TUSC3: variants seen among roughly 807,000 people sequenced by gnomAD.
TUSC3 encodes tumor suppressor candidate 3, also known as dolichyl-diphosphooligosaccharide--protein glycosyltransferase subunit TUSC3.
In TUSC3, 45 loss-of-function variants were observed where a neutral mutation model predicts 44.8. The observed-to-expected ratio is 1.00, with a 90% CI of 0.79 to 1.29. The LOEUF (loss-of-function observed/expected upper bound fraction) is 1.29, where lower values mean the gene tolerates loss of function less well. Ranked by LOEUF, TUSC3 falls within the 50% of genes most tolerant of loss-of-function variation. TUSC3 has a pLI of 0.00. For missense variants in TUSC3, 519 were observed against 437.9 expected, an observed-to-expected ratio of 1.19 and a Z score of -1.65; for synonymous variants, 212 against 152.9, an observed-to-expected ratio of 1.39 and a Z score of -2.85.
chr8:15,779,870 T>C, the TUSC3 span, among the ~76,000 whole-genome samples: 313 of 152,358 alleles, frequency 2.1e-3, 2 homozygotes, highest in African/African-American at 7.2e-3. Context: ...AGAAACGCTA[T>C]AGTCTGTGTC....
chr8:15,834,040 T>G, the TUSC3 span, among the ~76,000 whole-genome samples: 69,319 of 151,868 alleles, frequency 0.46, 18,168 homozygotes, highest in Non-Finnish European at 0.6. Flanking sequence ...ATACTATTTA[T>G]GAGTATCACA....
At chr8:15,499,519 A>G (rs572436189) in intron 2 of TUSC3, among the ~76,000 whole-genome samples, 41 of 152,302 alleles carry the variant, frequency 2.7e-4, no homozygotes, top group Admixed American at 8.5e-4. Flanking sequence ...GTTCATGTCA[A>G]TGGACTTATA....
chr8:15,782,116 C>T, the TUSC3 span, among the ~76,000 whole-genome samples: 1 of 152,180 alleles, frequency 6.6e-6, no homozygotes, highest in East Asian at 1.9e-4. Context: ...GCCTGGGCGA[C>T]AGAGCAAGGC....
At chr8:15,732,273 G>A (rs1810753564) in intron 7 of TUSC3, among the ~76,000 whole-genome samples, 2 of 152,230 alleles carry the variant, frequency 1.3e-5, no homozygotes, top group African/African-American at 2.4e-5. Flanking sequence ...GGGATCCAGT[G>A]GGAGGTAATT....
intron 1 of TUSC3, among the ~76,000 whole-genome samples, chr8:15,594,383 T>C (rs751889681): frequency 1.3e-5 from 2 of 152,156 alleles, no homozygotes; most frequent in Non-Finnish European, 2.9e-5. Context: ...TTTTGATCGA[T>C]TGATTTTTTT....
intron 1 of TUSC3, among the ~76,000 whole-genome samples, chr8:15,542,121 A>G (rs1258981017): frequency 6.6e-6 from 1 of 151,908 alleles, no homozygotes; most frequent in Non-Finnish European, 1.5e-5. Flanking sequence ...GAGACATAAT[A>G]CATTGATCAA....
At chr8:15,769,621 C>A (rs757931269), downstream of TUSC3, among the ~76,000 whole-genome samples, 1 of 152,108 alleles carries the variant, frequency 6.6e-6, no homozygotes, top group Admixed American at 6.5e-5. Context: ...GCAAAAGAAA[C>A]TATGATTAGA....
the TUSC3 span, among the ~76,000 whole-genome samples, chr8:15,790,638 C>G: frequency 3.9e-5 from 6 of 152,236 alleles, no homozygotes; most frequent in Admixed American, 1.3e-4. Flanking sequence ...CCCTGCCAGT[C>G]TCCTACCTCA....
intron 1 of TUSC3, among the ~76,000 whole-genome samples, chr8:15,469,156 T>G (rs1292143268): frequency 1.3e-5 from 2 of 152,186 alleles, no homozygotes. Context: ...AAGAAATCAT[T>G]GATAAGCTGG....
intron 2 of TUSC3, among the ~76,000 whole-genome samples, chr8:15,649,070 CA>C (rs368911726): frequency 2.0e-5 from 3 of 152,230 alleles, no homozygotes; most frequent in Admixed American, 6.5e-5. Flanking sequence ...TTGATAAATA[CA>C]ATATCTTTTC....
chr8:15,840,425 G>T, the TUSC3 span, among the ~76,000 whole-genome samples: 1 of 152,010 alleles, frequency 6.6e-6, no homozygotes, highest in African/African-American at 2.4e-5. Flanking sequence ...AAAAACTCAG[G>T]AGCAGAAGCA....
chr8:15,446,995 A>G (rs940219725), intron 1 of TUSC3, among the ~76,000 whole-genome samples: 28 of 152,076 alleles, frequency 1.8e-4, no homozygotes, highest in Non-Finnish European at 1.5e-4. Context: ...AAAGCTTTTG[A>G]AGAATAATCA....
chr8:15,520,526 A>G (rs2129129304), intron 2 of TUSC3, among the ~76,000 whole-genome samples: 1 of 152,338 alleles, frequency 6.6e-6, no homozygotes, highest in East Asian at 1.9e-4. Context: ...TGAAATCAAA[A>G]GAGTCCTATA....
chr8:15,793,999 G>T, the TUSC3 span, among the ~76,000 whole-genome samples: 6 of 152,050 alleles, frequency 3.9e-5, no homozygotes. Flanking sequence ...TCCTAAAGAA[G>T]AAAGAGTCAG....
chr8:15,691,572 A>G (rs754763267), intron 6 of TUSC3, among the ~76,000 whole-genome samples: 5 of 152,146 alleles, frequency 3.3e-5, no homozygotes, highest in Middle Eastern at 3.2e-3. Flanking sequence ...AAGAGAAGGC[A>G]TCTTTATCTT....
chr8:15,606,458 CTG>C (rs1804530907), intron 1 of TUSC3, among the ~76,000 whole-genome samples: 1 of 152,014 alleles, frequency 6.6e-6, no homozygotes, highest in African/African-American at 2.4e-5. Context: ...TGATTTTTGA[CTG>C]TGTGGGTGCC....
intron 6 of TUSC3, among the ~76,000 whole-genome samples, chr8:15,700,951 G>A (rs981056215): frequency 7.0e-5 from 10 of 142,930 alleles, no homozygotes; most frequent in African/African-American, 2.6e-4. Context: ...CATTGTGTTA[G>A]TCCGGAGGTC....
At chr8:15,805,447 G>C in the TUSC3 span, among the ~76,000 whole-genome samples, 1 of 152,098 alleles carries the variant, frequency 6.6e-6, no homozygotes, top group Non-Finnish European at 1.5e-5. Flanking sequence ...TGCCTGTTTA[G>C]TATGATGTTG....
intron 1 of TUSC3, among the ~76,000 whole-genome samples, chr8:15,542,331 T>C (rs1425843076): frequency 6.6e-6 from 1 of 151,980 alleles, no homozygotes; most frequent in Non-Finnish European, 1.5e-5. Context: ...AGAGAATAGA[T>C]TGTAAATGTT....
Sources: gnomAD v4.1 joint callset for allele counts (sites outside exome capture counted in the v4.1 genomes callset) on GRCh38, gnomAD v4.1.1 for gene constraint, MANE v1.5 for transcripts, NCBI Gene and HGNC (gene_info 2026-07-23, HGNC 2026-07-21) for gene names.